The following UBXN7 variants were observed in gnomAD, a reference collection of about 807,000 sequenced individuals.
The protein encoded by UBXN7 is UBX domain-containing protein 7.
Under a neutral mutation model 58.0 loss-of-function variants are expected in UBXN7, and 9 were observed. The observed-to-expected ratio is 0.16, with a 90% CI of 0.09 to 0.27. The LOEUF (loss-of-function observed/expected upper bound fraction) is 0.27, where lower values mean the gene tolerates loss of function less well. Among genes scored for constraint, UBXN7 ranks in the 10% least tolerant of loss-of-function variants. The pLI is 1.00. For missense variants in UBXN7, 328 were observed against 599.6 expected (o/e 0.55, Z 4.73); for synonymous variants, 208 against 205.0 (o/e 1.01, Z -0.12).
rs575911190 is a variant in UBXN7, at chr3:196,363,578, T to C, written c.835-891A>G. On this transcript the variant is annotated intron_variant, in intron 8 of 10. Coordinates refer to ENST00000296328, the MANE Select transcript of UBXN7 (RefSeq NM_015562.2). ...CCTCTTGCACCAAACAGCCAAGCTA[T>C]GAATGCAAGGAAAAGTTCTTGAAGG... is the stretch of plus-strand genomic sequence containing the variant. Among the ~76,000 whole-genome samples the C allele has an allele frequency of 2.6e-5, 4 of 151,998 alleles. No individual in the cohort carries two copies. The South Asian group carries it at 8.3e-4, about 31-fold the overall frequency.
At chr3:196,364,871 T>A (rs1577434565) in intron 8 of UBXN7, among the ~76,000 whole-genome samples, 1 of 151,738 alleles carries the variant, frequency 6.6e-6, no homozygotes, top group African/African-American at 2.4e-5. Context: ...CAAAGGAAAA[T>A]TTTAAAGTAA....
Position 196,352,140 on chromosome 3 carries a change from A to G in UBXN7, c.*4545T>C, listed in dbSNP as rs981125204. On this transcript the variant is annotated 3_prime_UTR_variant, in exon 11 of 11. Coordinates refer to ENST00000296328, the MANE Select transcript of UBXN7 (RefSeq NM_015562.2). The surrounding 1 kb of genome is among the most constrained non-coding windows in gnomAD (Gnocchi z 4.1). ...TTTAAGACTTTGCTAACTAAAACAT[A>G]TTCTTCCCTTTTTCTAAGTTTGAAC... The G allele has an allele frequency of 1.3e-5, 2 of 152,216 alleles. No individual in the cohort carries two copies. The highest frequency in any genetic ancestry group is 2.9e-5 in the Non-Finnish European group (2 of 68,028). The allele number at this position is 152,216 out of a possible 1,614,324, so 9.4% of individuals were successfully genotyped here.
chr3:196,409,799 C>T (rs1192802357), intron 1 of UBXN7, among the ~76,000 whole-genome samples: 1 of 152,188 alleles, frequency 6.6e-6, no homozygotes, highest in Non-Finnish European at 1.5e-5. Flanking sequence ...GCTTTCTTTC[C>T]TGTGACCCAT....
At position 196,410,381 on chromosome 3, in the gene UBXN7, C is replaced by T. The variant is rs115193298; in HGVS notation, c.74-2988G>A. On this transcript the variant is annotated intron_variant, in intron 1 of 10. Coordinates refer to ENST00000296328, the MANE Select transcript of UBXN7 (RefSeq NM_015562.2). ...TCTTAATGTCTCTCATTTGTTTTCT[C>T]TTCTGTACTACTGTCTCTAAGGCAA... is the stretch of plus-strand genomic sequence containing the variant. 5.0e-3 allele frequency among the ~76,000 whole-genome samples: 767 copies of T among 152,296 alleles called. 6 individuals carry two copies. Among genetic ancestry groups the T allele is most frequent in the African/African-American group, 0.018 (747 of 41,552 alleles).
At chr3:196,385,490 T>A (rs897749636) in intron 5 of UBXN7, among the ~76,000 whole-genome samples, 9 of 151,500 alleles carry the variant, frequency 5.9e-5, no homozygotes, top group South Asian at 2.1e-4. Context: ...GGAGCGTCTC[T>A]GCCCAGCCAC....
rs1205149774 is a variant in UBXN7, at chr3:196,352,787, A to G, written c.*3898T>C. 1 of 151,942 alleles carries G rather than the reference A, an allele frequency of 6.6e-6. No individual in the cohort carries two copies. The highest frequency in any genetic ancestry group is 2.0e-4 in the East Asian group (1 of 5,110). The allele number at this position is 151,942 out of a possible 1,614,324, so 9.4% of individuals were successfully genotyped here. ...GGTGGGCGGAACACGAGATCAAGAG[A>G]TCGAGACCATCCTGGCCAACATGGT... is the stretch of plus-strand genomic sequence containing the variant. On this transcript the variant is annotated 3_prime_UTR_variant, in exon 11 of 11. Transcript: ENST00000296328. The surrounding 1 kb of genome is among the most constrained non-coding windows in gnomAD (Gnocchi z 4.1).
chr3:196,371,826 T>C, intron 6 of UBXN7, 70 bp downstream of exon 6: 1 of 1,547,348 alleles, frequency 6.5e-7, no homozygotes, highest in East Asian at 2.3e-5. Flanking sequence ...ATAACCCAAT[T>C]CCTTTCCCTC....
intron 1 of UBXN7, among the ~76,000 whole-genome samples, chr3:196,420,294 A>G (rs1416962139): frequency 6.6e-6 from 1 of 152,040 alleles, no homozygotes; most frequent in Non-Finnish European, 1.5e-5. Context: ...GCACTTTGGG[A>G]GGCCAAGGTG....
intron 2 of UBXN7, 112 bp downstream of exon 2, chr3:196,407,134 C>A (rs1313959022): frequency 7.0e-7 from 1 of 1,437,578 alleles, no homozygotes; most frequent in Non-Finnish European, 9.3e-7. Context: ...TTTTCAGAGG[C>A]TTTCAGCCTT....
intron 1 of UBXN7, among the ~76,000 whole-genome samples, chr3:196,419,208 C>A (rs1370975326): frequency 6.6e-6 from 1 of 152,086 alleles, no homozygotes; most frequent in Non-Finnish European, 1.5e-5. Context: ...ACCCAGAAGG[C>A]GTAGGTTGCA....
At chr3:196,391,442 C>T (rs1729579728) in intron 5 of UBXN7, among the ~76,000 whole-genome samples, 1 of 152,046 alleles carries the variant, frequency 6.6e-6, no homozygotes, top group South Asian at 2.1e-4. Context: ...TAAAAAATGC[C>T]ACTGAAGGCC....
intron 1 of UBXN7, among the ~76,000 whole-genome samples, chr3:196,422,750 T>A (rs1279369412): frequency 6.6e-6 from 1 of 152,170 alleles, no homozygotes; most frequent in Non-Finnish European, 1.5e-5. Flanking sequence ...TATTATTATA[T>A]GATCCAATAA....
intron 4 of UBXN7, among the ~76,000 whole-genome samples, chr3:196,392,800 C>T (rs761542974): frequency 2.2e-4 from 34 of 152,050 alleles, no homozygotes; most frequent in Non-Finnish European, 4.6e-4. Context: ...GAGACTCCAT[C>T]TCAAAAATAA....
At chr3:196,374,151 A>G (rs1209828049) in intron 5 of UBXN7, among the ~76,000 whole-genome samples, 2 of 152,236 alleles carry the variant, frequency 1.3e-5, no homozygotes, top group South Asian at 2.1e-4. Context: ...GAGATAGACT[A>G]GAGCGCACAT....
At chr3:196,417,260 C>T (rs936359805) in intron 1 of UBXN7, among the ~76,000 whole-genome samples, 2 of 152,016 alleles carry the variant, frequency 1.3e-5, no homozygotes, top group Non-Finnish European at 2.9e-5. Flanking sequence ...TGCAGTGAGC[C>T]GAGATCGCGC....
intron 3 of UBXN7, among the ~76,000 whole-genome samples, chr3:196,399,616 T>C (rs987380572): frequency 1.3e-5 from 2 of 152,188 alleles, no homozygotes; most frequent in Non-Finnish European, 2.9e-5. Flanking sequence ...TATTTTTATT[T>C]TTTGTAGAGA....
intron 10 of UBXN7, among the ~76,000 whole-genome samples, chr3:196,360,700 T>G (rs1326142862): frequency 6.6e-6 from 1 of 152,168 alleles, no homozygotes; most frequent in Non-Finnish European, 1.5e-5. Context: ...CTGCAGCCCA[T>G]GGATCAAGGA....
intron 5 of UBXN7, among the ~76,000 whole-genome samples, chr3:196,390,164 A>C (rs1343483649): frequency 6.6e-6 from 1 of 152,042 alleles, no homozygotes; most frequent in East Asian, 1.9e-4. Context: ...GGCTGCAGTG[A>C]GCCATGATTT....
chr3:196,368,540 C>G (rs1349089820), intron 7 of UBXN7, among the ~76,000 whole-genome samples: 1 of 152,144 alleles, frequency 6.6e-6, no homozygotes, highest in African/African-American at 2.4e-5. Flanking sequence ...ATAAAGTGTA[C>G]TGTAAAGACA....
Sources: allele counts gnomAD v4.1 joint callset (sites outside exome capture counted in the v4.1 genomes callset), GRCh38; gene constraint gnomAD v4.1.1; non-coding constraint Gnocchi (gnomAD v3.1); transcripts MANE v1.5; gene names NCBI Gene and HGNC (gene_info 2026-07-23, HGNC 2026-07-21).